The following TMEM135 variants were observed in gnomAD, a reference collection of about 807,000 sequenced individuals.
TMEM135 encodes transmembrane protein 135.
A neutral mutation model predicts 60.3 loss-of-function variants in TMEM135; 30 were observed. The observed-to-expected ratio is 0.50, with a 90% confidence interval of 0.37 to 0.68. TMEM135 has a LOEUF of 0.68. Ranked by LOEUF, TMEM135 falls within the 30% of genes least tolerant of loss-of-function variation. TMEM135 has a pLI of 0.00. For synonymous variants in TMEM135, 190 were observed against 186.7 expected, an observed-to-expected ratio of 1.02 and a Z score of -0.14; for missense variants, 468 against 548.8, an observed-to-expected ratio of 0.85 and a Z score of 1.47.
At chr11:87,237,841 C>T (rs2135375235) in intron 6 of TMEM135, among the ~76,000 whole-genome samples, 1 of 151,924 alleles carries the variant, frequency 6.6e-6, no homozygotes, top group Non-Finnish European at 1.5e-5. Context: ...CCTCTGGTAA[C>T]CATCATTCTA....
chr11:87,161,946 T>G (rs2135274179), intron 5 of TMEM135, among the ~76,000 whole-genome samples: 1 of 152,298 alleles, frequency 6.6e-6, no homozygotes, highest in African/African-American at 2.4e-5. Flanking sequence ...GATGCATCAA[T>G]GAATAAAACT....
chr11:87,135,608 T>C (rs1191574701), intron 4 of TMEM135, among the ~76,000 whole-genome samples: 3 of 151,998 alleles, frequency 2.0e-5, no homozygotes, highest in Non-Finnish European at 4.4e-5. Context: ...TTAGTCTATG[T>C]TTAAACCCAA....
At chr11:87,160,694 A>T (rs922465043) in intron 5 of TMEM135, among the ~76,000 whole-genome samples, 2 of 152,216 alleles carry the variant, frequency 1.3e-5, no homozygotes, top group African/African-American at 2.4e-5. Flanking sequence ...AATGACTTTT[A>T]TGCATTCTAA....
Position 87,157,361 on chromosome 11 carries a change from A to T in TMEM135, c.417A>T (p.Arg139Ser). The stretch of plus-strand genomic sequence containing the variant: ...TACAGGCCACAGAAACACTATTCAG[A>T]ATGGGTGTAGCAAGAGGAACCATCA... ...MANLATETLF[R>S]MGVARGTITT... Residue 139 changes from arginine (R) to serine (S), a missense_variant, in exon 5 of 15, where the codon AGA (arginine) becomes AGT (serine). By Grantham distance (110) the Arg-to-Ser change is moderately radical. Coordinates refer to ENST00000305494, the MANE Select transcript of TMEM135 (RefSeq NM_022918.4). The T allele has an allele frequency of 1.2e-6, 2 of 1,613,460 alleles. No homozygotes were observed. Among genetic ancestry groups the T allele is most frequent in the Non-Finnish European group, 1.7e-6 (2 of 1,179,700 alleles).
chr11:87,247,185 A>T (rs1322703155), intron 6 of TMEM135, among the ~76,000 whole-genome samples: 2 of 152,054 alleles, frequency 1.3e-5, no homozygotes, highest in East Asian at 1.9e-4. Context: ...TGAACCATGA[A>T]TGCTGATGTC....
intron 5 of TMEM135, among the ~76,000 whole-genome samples, chr11:87,217,119 A>G (rs1479278448): frequency 1.3e-5 from 2 of 152,212 alleles, no homozygotes; most frequent in Non-Finnish European, 2.9e-5. Flanking sequence ...ATAAGAGGGT[A>G]TGTTTTTGAG....
At chr11:87,316,861 A>G (rs1397597097) in intron 12 of TMEM135, among the ~76,000 whole-genome samples, 5 of 151,872 alleles carry the variant, frequency 3.3e-5, no homozygotes, top group Non-Finnish European at 7.4e-5. Context: ...ACTGGCATAT[A>G]AACTATGGTG....
chr11:87,046,848 G>C (rs1320936828), intron 1 of TMEM135, among the ~76,000 whole-genome samples: 1 of 152,180 alleles, frequency 6.6e-6, no homozygotes, highest in Non-Finnish European at 1.5e-5. Flanking sequence ...AAGTAAAGGA[G>C]TTTTGAGAGG....
At chr11:87,261,936 C>T (rs1941658979) in intron 6 of TMEM135, among the ~76,000 whole-genome samples, 1 of 152,154 alleles carries the variant, frequency 6.6e-6, no homozygotes, top group East Asian at 1.9e-4. Flanking sequence ...AGAATTATTT[C>T]TATACATACC....
At chr11:87,180,186 C>T (rs1053390970) in intron 5 of TMEM135, among the ~76,000 whole-genome samples, 22 of 152,134 alleles carry the variant, frequency 1.4e-4, no homozygotes, top group African/African-American at 5.1e-4. Flanking sequence ...CCAAGTAAGC[C>T]TTAATCATGA....
chr11:87,053,966 A>C (rs1480677596), intron 1 of TMEM135, among the ~76,000 whole-genome samples: 1 of 152,212 alleles, frequency 6.6e-6, no homozygotes, highest in Non-Finnish European at 1.5e-5. Flanking sequence ...CTAGGAATAT[A>C]GTTAATAAGT....
At chr11:87,065,227 A>C (rs765138323) in intron 1 of TMEM135, among the ~76,000 whole-genome samples, 10 of 152,216 alleles carry the variant, frequency 6.6e-5, no homozygotes, top group Non-Finnish European at 1.5e-4. Flanking sequence ...AATTGCTGGG[A>C]CAAATAATAG....
chr11:87,114,233 A>C (rs1857822000), intron 4 of TMEM135, among the ~76,000 whole-genome samples: 1 of 152,162 alleles, frequency 6.6e-6, no homozygotes, highest in South Asian at 2.1e-4. Flanking sequence ...CAGTGAAACC[A>C]ACTCAAGAAT....
intron 1 of TMEM135, among the ~76,000 whole-genome samples, chr11:87,043,680 G>A (rs181930337): frequency 1.3e-5 from 2 of 151,960 alleles, no homozygotes; most frequent in African/African-American, 2.4e-5. Context: ...CAGAGATCAC[G>A]CCACTGCACT....
intron 1 of TMEM135, among the ~76,000 whole-genome samples, chr11:87,053,881 T>G (rs2135118619): frequency 6.6e-6 from 1 of 152,336 alleles, no homozygotes; most frequent in East Asian, 1.9e-4. Context: ...ATTGATATGC[T>G]CTTAATGTTG....
rs772388549 is a variant in TMEM135 at position 87,157,353 on chromosome 11, C to T, written c.409C>T (p.Leu137=). 1.9e-6 allele frequency: 3 copies of T among 1,611,750 alleles called. No homozygotes were observed. The highest frequency in any genetic ancestry group is 2.5e-6 in the Non-Finnish European group (3 of 1,178,946). Residue 137 remains leucine, a synonymous_variant, in exon 5 of 15, where the codon CTA becomes TTA. Coordinates refer to ENST00000305494, the MANE Select transcript of TMEM135 (RefSeq NM_022918.4). ...TTTTAATTTACAGGCCACAGAAACA[C>T]TATTCAGAATGGGTGTAGCAAGAGG... The part of the protein sequence containing the change: ...IYMANLATET[L]FRMGVARGTI...
At chr11:87,111,385 C>T (rs565330168) in intron 4 of TMEM135, among the ~76,000 whole-genome samples, 13 of 151,934 alleles carry the variant, frequency 8.6e-5, no homozygotes, top group South Asian at 2.1e-4. Context: ...CTGTGGCTCA[C>T]GCCTGTAATC....
At chr11:87,060,430 A>T (rs925484472) in intron 1 of TMEM135, among the ~76,000 whole-genome samples, 4 of 152,144 alleles carry the variant, frequency 2.6e-5, no homozygotes, top group Non-Finnish European at 4.4e-5. Context: ...TTTTTCTCTG[A>T]GAATAGGCAA....
intron 3 of TMEM135, among the ~76,000 whole-genome samples, chr11:87,087,841 A>G (rs1857129054): frequency 1.3e-5 from 2 of 152,080 alleles, no homozygotes; most frequent in African/African-American, 2.4e-5. Context: ...GGTTCAAGTG[A>G]TTCTCCTGCC....
Sources: allele counts gnomAD v4.1 joint callset (sites outside exome capture counted in the v4.1 genomes callset), GRCh38; gene constraint gnomAD v4.1.1; transcripts MANE v1.5; gene names NCBI Gene and HGNC (gene_info 2026-07-23, HGNC 2026-07-21).